The following MREG variants were observed in gnomAD, a reference collection of about 807,000 sequenced individuals.
The protein encoded by MREG is melanoregulin.
A neutral mutation model predicts 28.5 loss-of-function variants in MREG; 31 were observed. The ratio of observed to expected loss-of-function variants is 1.09; its 90% CI spans 0.82 to 1.47. The LOEUF (loss-of-function observed/expected upper bound fraction) is 1.47, where lower values mean the gene tolerates loss of function less well. Among genes scored for constraint, MREG ranks in the 40% most tolerant of loss-of-function variants. MREG has a pLI of 0.00. For missense variants in MREG, 256 were observed against 257.4 expected, an observed-to-expected ratio of 0.99 and a Z score of 0.04; for synonymous variants, 106 against 95.2, an observed-to-expected ratio of 1.11 and a Z score of -0.66.
rs1692283281 is a variant in MREG, at chr2:215,944,983, T to G, written c.525A>C (p.Ala175=). 1.9e-6 allele frequency: 3 copies of G among 1,587,988 alleles called. No individual in the cohort carries two copies. In the East Asian group the frequency reaches 6.8e-5, roughly 36 times the overall value. ...RYLFVVDRLI[A]LDAAEEFFKL... is the part of the protein sequence containing the mutation. ...TAAAGAACTCTTCTGCAGCATCAAG[T>G]GCAATGAGACGGTCCTGCAAAAACA... Residue 175 remains alanine, a synonymous_variant, in exon 5 of 5, where the codon GCA becomes GCC. Transcript: ENST00000263268.
intron 2 of MREG, among the ~76,000 whole-genome samples, chr2:215,992,722 G>C (rs1445879655): frequency 6.6e-6 from 1 of 152,136 alleles, no homozygotes; most frequent in Non-Finnish European, 1.5e-5. Flanking sequence ...AAAGTCTCAG[G>C]ATACAAAATC....
chr2:216,031,518 AG>A lies in MREG; in HGVS notation c.-68+1270del, dbSNP rs1408820246. Among the ~76,000 whole-genome samples the A allele has an allele frequency of 8.1e-4, 105 of 129,332 alleles. 1 individual carries two copies. The highest frequency in any genetic ancestry group is 2.2e-3 in the African/African-American group (79 of 35,326). The allele number at this position is 129,332 out of a possible 152,430, so 84.8% of individuals were successfully genotyped here. The stretch of plus-strand genomic sequence containing the variant: ...GAGAAAGAAAGAGAGAAAGGAAGGA[AG>A]GGAAAAGAAAAGAAAGAAGGAAGGA... On this transcript the variant is annotated intron_variant, in intron 1 of 3. Coordinates refer to the MREG transcript ENST00000420348.
chr2:215,959,470 T>C lies in MREG; in HGVS notation c.256-12357A>G, dbSNP rs1692721347. 2.0e-5 allele frequency among the ~76,000 whole-genome samples: 3 copies of C among 152,218 alleles called. No homozygotes were observed. The South Asian group carries it at 6.2e-4, about 32-fold the overall frequency. On this transcript the variant is annotated intron_variant, in intron 2 of 4. Transcript: ENST00000263268. ...TTTTCCCTCTGCACAAGATTCTTACTCTTTTCTGCCTTAATTGGCCTGAAT... is the reference window on the plus strand; with the variant it reads ...TTTTCCCTCTGCACAAGATTCTTACCCTTTTCTGCCTTAATTGGCCTGAAT...
chr2:215,949,056 AC>A (rs1692396195), intron 2 of MREG, among the ~76,000 whole-genome samples: 1 of 138,152 alleles, frequency 7.2e-6, no homozygotes, highest in African/African-American at 2.7e-5. Flanking sequence ...TACTACTACT[AC>A]TACTACTACT....
chr2:215,999,607 T>C (rs998131728), intron 1 of MREG, among the ~76,000 whole-genome samples: 1 of 152,208 alleles, frequency 6.6e-6, no homozygotes. Context: ...AACAAATACA[T>C]AATTTTGAAC....
At chr2:215,956,088 A>C (rs1692621670) in intron 2 of MREG, among the ~76,000 whole-genome samples, 1 of 152,220 alleles carries the variant, frequency 6.6e-6, no homozygotes, top group Non-Finnish European at 1.5e-5. Flanking sequence ...TACAATATAA[A>C]GGCCAAAATT....
intron 1 of MREG, among the ~76,000 whole-genome samples, chr2:216,028,998 A>G (rs182024045): frequency 6.6e-6 from 1 of 152,172 alleles, no homozygotes. Flanking sequence ...TGGAATATGG[A>G]GTTAAGTGCA....
In MREG at chr2:215,954,896, T is replaced by G. The variant is rs1288086760; in HGVS notation, c.256-7783A>C. On this transcript the variant is annotated intron_variant, in intron 2 of 4. Transcript: ENST00000263268. ...TTTTGTATTTTTAGTAGAGATGCAGTCTCATCATGTTGGTCAGGCTGGTCT... is the reference window on the plus strand; with the variant it reads ...TTTTGTATTTTTAGTAGAGATGCAGGCTCATCATGTTGGTCAGGCTGGTCT... 3.3e-5 allele frequency among the ~76,000 whole-genome samples: 5 copies of G among 152,236 alleles called. No individual in the cohort carries two copies. The East Asian group carries it at 7.7e-4, about 24-fold the overall frequency.
intron 2 of MREG, among the ~76,000 whole-genome samples, chr2:215,957,834 T>G (rs4674045): frequency 0.38 from 57,224 of 151,836 alleles, 11,076 homozygotes; most frequent in Non-Finnish European, 0.42. Flanking sequence ...CTATTCACAA[T>G]AGCAAAGACT....
intron 2 of MREG, among the ~76,000 whole-genome samples, chr2:215,994,699 C>T (rs1223626986): frequency 4.0e-5 from 6 of 149,694 alleles, no homozygotes; most frequent in Non-Finnish European, 8.8e-5. Context: ...ACAAAAAAGA[C>T]ACAATGGGCC....
intron 2 of MREG, among the ~76,000 whole-genome samples, chr2:215,980,556 G>A (rs1693397764): frequency 6.6e-6 from 1 of 152,202 alleles, no homozygotes; most frequent in Admixed American, 6.5e-5. Flanking sequence ...CAGTTTCAGT[G>A]CATCTACTTT....
chr2:215,954,519 A>G (rs1255199692), intron 2 of MREG, among the ~76,000 whole-genome samples: 1 of 150,580 alleles, frequency 6.6e-6, no homozygotes, highest in African/African-American at 2.4e-5. Context: ...AATGTTATAG[A>G]TGACACTCTG....
intron 2 of MREG, among the ~76,000 whole-genome samples, chr2:215,973,942 A>G (rs1321504711): frequency 1.3e-5 from 2 of 152,196 alleles, no homozygotes; most frequent in African/African-American, 4.8e-5. Flanking sequence ...CCTGCTGCAA[A>G]ACATGTTTTT....
intron 2 of MREG, among the ~76,000 whole-genome samples, chr2:215,962,264 C>T (rs78058370): frequency 0.023 from 3,441 of 152,314 alleles, 66 homozygotes; most frequent in South Asian, 0.033. Context: ...CCAAGTAAGT[C>T]TGCAAAGCCA....
chr2:215,961,435 G>GT (rs1037208991), intron 2 of MREG, among the ~76,000 whole-genome samples: 8 of 151,386 alleles, frequency 5.3e-5, no homozygotes, highest in Non-Finnish European at 1.0e-4. Context: ...CGCCTTTTTT[G>GT]TTTTTTTTGA....
chr2:215,949,515 C>T (rs1012306805), intron 2 of MREG, among the ~76,000 whole-genome samples: 1 of 150,998 alleles, frequency 6.6e-6, no homozygotes, highest in African/African-American at 2.4e-5. Context: ...GAGCCGAGAT[C>T]ACGCCTGTGC....
At chr2:215,953,297 T>C (rs1157476454) in intron 2 of MREG, among the ~76,000 whole-genome samples, 1 of 152,266 alleles carries the variant, frequency 6.6e-6, no homozygotes, top group East Asian at 1.9e-4. Context: ...GATTGGCTTA[T>C]GCCAATAAAC....
chr2:215,963,660 T>C (rs1692861598), intron 2 of MREG, among the ~76,000 whole-genome samples: 1 of 152,206 alleles, frequency 6.6e-6, no homozygotes, highest in African/African-American at 2.4e-5. Context: ...CTCAATTGTT[T>C]AATTTTAAAG....
chr2:215,994,722 G>A (rs1183515392), intron 2 of MREG, among the ~76,000 whole-genome samples: 2 of 149,812 alleles, frequency 1.3e-5, no homozygotes, highest in Non-Finnish European at 2.9e-5. Flanking sequence ...TTTAGAAGCT[G>A]TGCTTTCCAA....
Sources: gnomAD v4.1 joint callset for allele counts (sites outside exome capture counted in the v4.1 genomes callset) on GRCh38, gnomAD v4.1.1 for gene constraint, MANE v1.5 for transcripts, NCBI Gene and HGNC (gene_info 2026-07-23, HGNC 2026-07-21) for gene names.